SPON1: variants seen among roughly 807,000 people sequenced by gnomAD.
SPON1 encodes the protein spondin-1.
In SPON1, 52 loss-of-function variants were observed where a neutral mutation model predicts 111.7. The ratio of observed to expected loss-of-function variants is 0.47; its 90% confidence interval spans 0.37 to 0.59. The LOEUF (loss-of-function observed/expected upper bound fraction) is 0.59, where lower values mean the gene tolerates loss of function less well. SPON1 is among the 20% of genes least tolerant of loss of function. The pLI, the probability that SPON1 is intolerant of heterozygous loss-of-function variation, is 0.00. For synonymous variants in SPON1, 410 were observed against 395.8 expected (o/e 1.04, Z -0.43); for missense variants, 957 against 1,068.5 (o/e 0.90, Z 1.46).
chr11:14,250,291 TTAA>T (rs1554940572), intron 7 of SPON1, among the ~76,000 whole-genome samples: 18 of 152,070 alleles, frequency 1.2e-4, no homozygotes, highest in Non-Finnish European at 4.4e-5. Context: ...GTTGAAAAAA[TTAA>T]TATTTCTCTA....
intron 2 of SPON1, among the ~76,000 whole-genome samples, chr11:14,039,227 A>G (rs1012148335): frequency 3.3e-5 from 5 of 152,226 alleles, no homozygotes; most frequent in African/African-American, 9.6e-5. Flanking sequence ...TGGGCCAGTG[A>G]AACTATTTCA....
chr11:14,198,137 C>T (rs553974532), intron 6 of SPON1, among the ~76,000 whole-genome samples: 1 of 152,332 alleles, frequency 6.6e-6, no homozygotes, highest in East Asian at 1.9e-4. Flanking sequence ...GATGGGCTCT[C>T]AAATCGGTGC....
chr11:14,202,915 G>A (rs1591409725), intron 6 of SPON1, among the ~76,000 whole-genome samples: 2 of 152,118 alleles, frequency 1.3e-5, no homozygotes, highest in Admixed American at 1.3e-4. Context: ...AAACTATGGT[G>A]CTGTTAATCT....
intron 6 of SPON1, among the ~76,000 whole-genome samples, chr11:14,237,475 T>A (rs1270490634): frequency 6.6e-6 from 1 of 152,182 alleles, no homozygotes; most frequent in East Asian, 1.9e-4. Context: ...AGAATGTGAG[T>A]TTGGAGTCAG....
intron 5 of SPON1, among the ~76,000 whole-genome samples, chr11:14,089,125 T>A (rs564417546): frequency 5.9e-5 from 9 of 152,256 alleles, no homozygotes; most frequent in African/African-American, 2.2e-4. Flanking sequence ...TGAAGCCTAC[T>A]TCTGTCAATT....
chr11:13,981,269 G>T (rs1554909594), intron 1 of SPON1, among the ~76,000 whole-genome samples: 3 of 152,132 alleles, frequency 2.0e-5, no homozygotes, highest in East Asian at 3.9e-4. Context: ...GGGTCCAATG[G>T]GATGGAGGAC....
At chr11:14,226,083 C>T (rs1303520701) in intron 6 of SPON1, among the ~76,000 whole-genome samples, 3 of 152,138 alleles carry the variant, frequency 2.0e-5, no homozygotes, top group Admixed American at 6.5e-5. Flanking sequence ...AACATTTAAT[C>T]TTTACAACTC....
intron 5 of SPON1, among the ~76,000 whole-genome samples, chr11:14,100,126 T>C (rs1285568544): frequency 7.2e-6 from 1 of 139,640 alleles, no homozygotes; most frequent in Non-Finnish European, 1.6e-5. Flanking sequence ...TAATTTCTGC[T>C]TTTTTGTACT....
intron 1 of SPON1, among the ~76,000 whole-genome samples, chr11:13,969,837 A>G (rs1554908402): frequency 6.6e-6 from 1 of 152,214 alleles, no homozygotes; most frequent in African/African-American, 2.4e-5. Flanking sequence ...TAGCCCTTCT[A>G]GTTTCCCTCC....
intron 3 of SPON1, among the ~76,000 whole-genome samples, chr11:14,064,074 A>AAGTC (rs1217793742): frequency 6.6e-6 from 1 of 152,204 alleles, no homozygotes; most frequent in Admixed American, 6.5e-5. Flanking sequence ...ATTATGGGGA[A>AAGTC]AGTCAGTGTA....
intron 2 of SPON1, among the ~76,000 whole-genome samples, chr11:13,990,234 T>C (rs1848217217): frequency 1.3e-5 from 2 of 152,148 alleles, no homozygotes; most frequent in African/African-American, 4.8e-5. Flanking sequence ...TGCTCCTGTA[T>C]TGGGTGCACA....
chr11:14,222,283 C>G (rs1167052253), intron 6 of SPON1, among the ~76,000 whole-genome samples: 2 of 152,230 alleles, frequency 1.3e-5, no homozygotes, highest in African/African-American at 4.8e-5. Context: ...CAAGTTGTGA[C>G]AGGTGACAGA....
chr11:14,141,029 C>CCCACCA lies in SPON1; in HGVS notation c.825+5461_825+5462insCCACCA, dbSNP rs71041572. On this transcript the variant is annotated intron_variant, in intron 6 of 15. Transcript: ENST00000576479. Reference sequence around the variant, plus strand: ...CCACTGTATGCAGGCGTGCCCCCCCCATGCCCCACTTCTCACTGGCTCAAG... The same window carrying CCCACCA: ...CCACTGTATGCAGGCGTGCCCCCCCCCCACCAATGCCCCACTTCTCACTGGCTCAAG... Among the ~76,000 whole-genome samples, 20 of 132,366 alleles carry CCCACCA rather than the reference C, an allele frequency of 1.5e-4. 1 individual carries two copies. The highest frequency in any genetic ancestry group is 5.2e-4 in the African/African-American group (19 of 36,364). The allele number at this position is 132,366 out of a possible 152,430, so 86.8% of individuals were successfully genotyped here.
intron 3 of SPON1, among the ~76,000 whole-genome samples, chr11:14,048,641 C>A (rs1554918119): frequency 6.6e-6 from 1 of 152,190 alleles, no homozygotes; most frequent in Non-Finnish European, 1.5e-5. Flanking sequence ...AGCGACCCAG[C>A]ACTTAAAGTT....
chr11:14,092,568 A>G (rs1292553903), intron 5 of SPON1, among the ~76,000 whole-genome samples: 2 of 152,162 alleles, frequency 1.3e-5, no homozygotes, highest in African/African-American at 4.8e-5. Context: ...GGTTTGTTCC[A>G]AGTGCTGTTT....
At chr11:14,189,325 A>C (rs10832230) in intron 6 of SPON1, among the ~76,000 whole-genome samples, 27,714 of 152,076 alleles carry the variant, frequency 0.18, 2,608 homozygotes, top group Admixed American at 0.23. Context: ...TCGATTCATC[A>C]CCTCCCACCT....
At chr11:14,042,393 C>CA (rs769743636) in intron 3 of SPON1, among the ~76,000 whole-genome samples, 44 of 109,906 alleles carry the variant, frequency 4.0e-4, no homozygotes, top group Admixed American at 8.2e-4. Flanking sequence ...AAAGTCCTGG[C>CA]GAAAAAAAAA....
chr11:14,128,491 A>G (rs1343475905), intron 5 of SPON1, among the ~76,000 whole-genome samples: 2 of 152,188 alleles, frequency 1.3e-5, no homozygotes, highest in African/African-American at 4.8e-5. Flanking sequence ...GGCCTTGGGC[A>G]GCTCCACCCC....
At chr11:14,143,794 A>G (rs571027682) in intron 6 of SPON1, among the ~76,000 whole-genome samples, 1 of 152,308 alleles carries the variant, frequency 6.6e-6, no homozygotes, top group African/African-American at 2.4e-5. Flanking sequence ...AGCTGCACCA[A>G]TTGGGTGACA....
Sources: allele counts gnomAD v4.1 joint callset (sites outside exome capture counted in the v4.1 genomes callset), GRCh38; gene constraint gnomAD v4.1.1; transcripts MANE v1.5; gene names NCBI Gene and HGNC (gene_info 2026-07-23, HGNC 2026-07-21).